The following ADAMTSL3 variants were observed in gnomAD, a reference collection of about 807,000 sequenced individuals.
ADAMTSL3 encodes the protein ADAMTS-like protein 3.
In ADAMTSL3, 128 loss-of-function variants were observed where a neutral mutation model predicts 201.7. That is an observed-to-expected ratio of 0.63 (90% CI 0.55 to 0.73). The LOEUF is 0.73. Ranked by LOEUF, ADAMTSL3 falls within the 30% of genes least tolerant of loss-of-function variation. ADAMTSL3 has a pLI of 0.00. For synonymous variants in ADAMTSL3, 738 were observed against 748.4 expected (o/e 0.99, Z 0.23); for missense variants, 1,990 against 2,119.6 (o/e 0.94, Z 1.20).
chr15:83,903,078 A>T (rs1471252323), intron 15 of ADAMTSL3, among the ~76,000 whole-genome samples: 1 of 151,800 alleles, frequency 6.6e-6, no homozygotes. Context: ...AGAAGTCTTT[A>T]AAAAATAATC....
intron 3 of ADAMTSL3, among the ~76,000 whole-genome samples, chr15:83,767,786 T>G (rs2062917030): frequency 6.6e-6 from 1 of 152,222 alleles, no homozygotes. Flanking sequence ...TTTCATATTT[T>G]TATTGTAACA....
chr15:83,937,267 C>T (rs1045640778), intron 17 of ADAMTSL3, among the ~76,000 whole-genome samples: 7 of 150,844 alleles, frequency 4.6e-5, no homozygotes, highest in Non-Finnish European at 1.0e-4. Flanking sequence ...TGTAAATACG[C>T]ATCAACAGTA....
At chr15:83,831,656 G>A (rs947417561) in intron 6 of ADAMTSL3, among the ~76,000 whole-genome samples, 4 of 152,148 alleles carry the variant, frequency 2.6e-5, no homozygotes, top group Admixed American at 2.6e-4. Flanking sequence ...AACCTCTTGA[G>A]TAGCTGGGAC....
chr15:83,990,396 T>A (rs970269585), intron 22 of ADAMTSL3, among the ~76,000 whole-genome samples: 2 of 152,218 alleles, frequency 1.3e-5, no homozygotes, highest in African/African-American at 4.8e-5. Context: ...CCTGTGTACA[T>A]CTCCTTCTGC....
intron 27 of ADAMTSL3, among the ~76,000 whole-genome samples, chr15:84,026,888 A>C (rs1046127185): frequency 6.6e-6 from 1 of 152,210 alleles, no homozygotes; most frequent in East Asian, 1.9e-4. Flanking sequence ...ATATAACAAC[A>C]AAAGCATAAG....
At position 83,982,594 on chromosome 15, in the gene ADAMTSL3, A is replaced by C; in HGVS notation, c.2966A>C (p.Glu989Ala). 1 of 1,614,144 alleles carries C rather than the reference A, an allele frequency of 6.2e-7. No homozygotes were observed. The highest frequency in any genetic ancestry group is 1.1e-5 in the South Asian group (1 of 91,086). Residue 989 changes from glutamate to alanine, a missense_variant, in exon 21 of 30, where the codon GAA (glutamate) becomes GCA (alanine). Physicochemically the swap from Glu to Ala is moderately radical, Grantham distance 107. Coordinates refer to ENST00000286744, the MANE Select transcript of ADAMTSL3 (RefSeq NM_207517.3). ...CGGTGCATTGCAGGCTCTGCACAGG[A>C]AACAGTTGTGCTCAAGCTCATTGGT... ...VYRCIAGSAQ[E>A]TVVLKLIGTD...
At chr15:83,669,553 T>C (rs2061298684) in intron 2 of ADAMTSL3, among the ~76,000 whole-genome samples, 1 of 133,504 alleles carries the variant, frequency 7.5e-6, no homozygotes, top group Non-Finnish European at 1.5e-5. Flanking sequence ...CTGCAAGCTC[T>C]GCCTCCTGGG....
intron 9 of ADAMTSL3, among the ~76,000 whole-genome samples, chr15:83,871,513 G>C (rs984715118): frequency 2.6e-5 from 4 of 152,196 alleles, no homozygotes; most frequent in African/African-American, 9.7e-5. Context: ...TATCCTTAAG[G>C]CGTCTTTACT....
intron 6 of ADAMTSL3, among the ~76,000 whole-genome samples, chr15:83,836,967 T>C (rs1567179062): frequency 6.6e-6 from 1 of 152,136 alleles, no homozygotes; most frequent in East Asian, 1.9e-4. Flanking sequence ...GTTGATATTA[T>C]TGTTGTTTAC....
chr15:84,024,149 G>A (rs1253257438), intron 26 of ADAMTSL3, among the ~76,000 whole-genome samples: 2 of 152,058 alleles, frequency 1.3e-5, no homozygotes, highest in Non-Finnish European at 2.9e-5. Flanking sequence ...CCAGCTACTC[G>A]GGAGGCTGAG....
intron 12 of ADAMTSL3, among the ~76,000 whole-genome samples, chr15:83,891,891 T>G (rs1025692826): frequency 6.6e-6 from 1 of 152,208 alleles, no homozygotes; most frequent in African/African-American, 2.4e-5. Flanking sequence ...GCTAAGTACC[T>G]TGTGACAAGA....
In ADAMTSL3 at chr15:83,760,224, G is replaced by A. The variant is rs976655806; in HGVS notation, c.190-13299G>A. ...GCATAGCTTTAGCTGCTTTACTCAC[G>A]TTTTGGTATGTAATATATTCATCTT... On this transcript the variant is annotated intron_variant, in intron 3 of 29. Transcript: ENST00000286744. Among the ~76,000 whole-genome samples the A allele has an allele frequency of 2.6e-5, 4 of 152,002 alleles. No homozygotes were observed. In the East Asian group the frequency reaches 5.8e-4, roughly 22 times the overall value.
At chr15:83,895,891 G>C (rs534901839) in intron 13 of ADAMTSL3, among the ~76,000 whole-genome samples, 1 of 152,300 alleles carries the variant, frequency 6.6e-6, no homozygotes, top group South Asian at 2.1e-4. Flanking sequence ...GGTTTCAAGA[G>C]TGGCATCATG....
intron 2 of ADAMTSL3, among the ~76,000 whole-genome samples, chr15:83,691,405 A>C (rs969493473): frequency 6.6e-6 from 1 of 152,184 alleles, no homozygotes; most frequent in Non-Finnish European, 1.5e-5. Flanking sequence ...GTCAGGAGCC[A>C]TATGGTCACT....
intron 2 of ADAMTSL3, among the ~76,000 whole-genome samples, chr15:83,662,570 TAA>T (rs1555427509): frequency 3.1e-5 from 2 of 65,562 alleles, no homozygotes; most frequent in Admixed American, 4.0e-4. Flanking sequence ...TAAAGTATAA[TAA>T]AAAAAAAAAA....
chr15:83,850,088 C>T (rs28544951), intron 7 of ADAMTSL3, among the ~76,000 whole-genome samples: 37,956 of 150,282 alleles, frequency 0.25, 5,297 homozygotes, highest in Admixed American at 0.43. Context: ...ATGCAACGCT[C>T]CAAGGAAGAT....
chr15:83,755,759 AT>A (rs993342178), intron 3 of ADAMTSL3, among the ~76,000 whole-genome samples: 200 of 144,036 alleles, frequency 1.4e-3, no homozygotes, highest in Admixed American at 1.9e-3. Flanking sequence ...CCTGCTTTCA[AT>A]TTTTTTTTTT....
At chr15:83,697,993 T>C (rs1354591986) in intron 2 of ADAMTSL3, among the ~76,000 whole-genome samples, 2 of 151,986 alleles carry the variant, frequency 1.3e-5, no homozygotes, top group Non-Finnish European at 2.9e-5. Context: ...TTCCAAGGAA[T>C]TTAGGGGCTG....
At chr15:83,688,173 T>A (rs1719326378) in intron 2 of ADAMTSL3, among the ~76,000 whole-genome samples, 1 of 152,216 alleles carries the variant, frequency 6.6e-6, no homozygotes, top group Non-Finnish European at 1.5e-5. Context: ...GTGCACTCTC[T>A]GGCTTACAGT....
Sources: gnomAD v4.1 joint callset for allele counts (sites outside exome capture counted in the v4.1 genomes callset) on GRCh38, gnomAD v4.1.1 for gene constraint, MANE v1.5 for transcripts, NCBI Gene and HGNC (gene_info 2026-07-23, HGNC 2026-07-21) for gene names.